Variants in NUP205 observed in about 807,000 individuals in gnomAD.
NUP205 encodes nuclear pore complex protein Nup205.
In NUP205, 76 loss-of-function variants were observed where a neutral mutation model predicts 253.8. The ratio of observed to expected loss-of-function variants is 0.30; its 90% CI spans 0.25 to 0.36. The LOEUF is 0.36. NUP205 is among the 10% of genes least tolerant of loss of function. The pLI, the probability that NUP205 is intolerant of heterozygous loss-of-function variation, is 1.00. For missense variants in NUP205, 2,162 were observed against 2,425.5 expected (o/e 0.89, Z 2.28); for synonymous variants, 832 against 850.1 (o/e 0.98, Z 0.37).
intron 2 of NUP205, among the ~76,000 whole-genome samples, chr7:135,572,339 T>A (rs1360991252): frequency 6.6e-6 from 1 of 152,174 alleles, no homozygotes; most frequent in South Asian, 2.1e-4. Flanking sequence ...ACATCTATGC[T>A]TGGTAAGATT....
chr7:135,634,664 G>A (rs1267584769), intron 35 of NUP205, among the ~76,000 whole-genome samples: 1 of 152,148 alleles, frequency 6.6e-6, no homozygotes, highest in Non-Finnish European at 1.5e-5. Flanking sequence ...TAGTATGTTA[G>A]AAGAGAAAGC....
At chr7:135,579,273 CA>C (rs1333207632) in intron 7 of NUP205, among the ~76,000 whole-genome samples, 5 of 151,600 alleles carry the variant, frequency 3.3e-5, no homozygotes, top group African/African-American at 4.9e-5. Context: ...CGGCTCACTG[CA>C]ACCTCTGCCC....
At chr7:135,607,400 T>C (rs767978592) in intron 22 of NUP205, 29 bp downstream of exon 22, 13 of 1,607,216 alleles carry the variant, frequency 8.1e-6, no homozygotes, top group Admixed American at 1.7e-5. Flanking sequence ...TTTGTGGTAC[T>C]GAATAGAAGA....
intron 12 of NUP205, 106 bp from the exon 13 acceptor site, chr7:135,594,437 ATATT>A (rs1793771948): frequency 2.8e-6 from 2 of 717,850 alleles, no homozygotes; most frequent in Admixed American, 5.7e-5. Context: ...GTTTTAGTAT[ATATT>A]AAGCCCATGA....
At chr7:135,565,430 T>A (rs1263277503) in intron 1 of NUP205, among the ~76,000 whole-genome samples, 1 of 151,694 alleles carries the variant, frequency 6.6e-6, no homozygotes, top group African/African-American at 2.4e-5. Flanking sequence ...TAGGTTCCAT[T>A]TTCTTATTTT....
At position 135,630,462 on chromosome 7, in the gene NUP205, C is replaced by G; in HGVS notation, c.5051C>G (p.Ala1684Gly). Residue 1684 changes from alanine (A) to glycine (G), a missense_variant, in exon 35 of 43, where the codon GCA becomes GGA. Transcript: ENST00000285968. ...ALLTGIISKA[A>G]LPGILSELDV... ...CTGACAGGAATTATAAGTAAAGCAG[C>G]ACTTCCTGGTGAGTTGATTATGTTG... 1 of 1,603,300 alleles carries G rather than the reference C, an allele frequency of 6.2e-7. No homozygotes were observed. Among genetic ancestry groups the G allele is most frequent in the East Asian group, 2.2e-5 (1 of 44,570 alleles).
At chr7:135,589,088 T>A (rs1214692003) in intron 10 of NUP205, among the ~76,000 whole-genome samples, 1 of 150,530 alleles carries the variant, frequency 6.6e-6, no homozygotes. Context: ...GAGGACACGT[T>A]GAGCCCCGGG....
intron 22 of NUP205, 107 bp from the exon 23 acceptor site, chr7:135,614,052 A>G: frequency 1.7e-6 from 1 of 583,178 alleles, no homozygotes. Context: ...TGAGTTGTTG[A>G]TGGGTCCTAG....
Position 135,643,121 on chromosome 7 carries a change from A to C in NUP205, c.5393-71A>C, listed in dbSNP as rs370190789. On this transcript the variant is annotated intron_variant, in intron 38 of 42. Transcript: ENST00000285968. Reference sequence around the variant, plus strand: ...AAATTCTGGGGCATCCCTTGTTTTAAAACAGGTCATTTGAAATTCATATGA... The same window carrying C: ...AAATTCTGGGGCATCCCTTGTTTTACAACAGGTCATTTGAAATTCATATGA... 9 of 1,455,342 alleles carry C rather than the reference A, an allele frequency of 6.2e-6. No homozygotes were observed. In the African/African-American group the frequency reaches 1.3e-4, roughly 20 times the overall value. The allele number at this position is 1,455,342 out of a possible 1,614,324, so 90.2% of individuals were successfully genotyped here. A position where few individuals can be genotyped will look rare whatever the true frequency, so the allele number is the denominator to read the frequency against.
intron 1 of NUP205, among the ~76,000 whole-genome samples, chr7:135,558,575 G>A (rs1805497862): frequency 6.6e-6 from 1 of 152,144 alleles, no homozygotes; most frequent in South Asian, 2.1e-4. Flanking sequence ...GAATCTAGAA[G>A]GTAGTAAAGG....
Position 135,600,961 on chromosome 7 carries a change from AACT to A in NUP205, c.2369_2371del (p.Leu790del), listed in dbSNP as rs1434702667. 1.3e-6 allele frequency: 2 copies of A among 1,583,062 alleles called. No individual in the cohort carries two copies. The highest frequency in any genetic ancestry group is 1.7e-6 in the Non-Finnish European group (2 of 1,153,036). On this transcript the variant is annotated inframe_deletion, in exon 16 of 43. Transcript: ENST00000285968. Reference sequence around the variant, plus strand: ...GAAGATTTTGTAGACCAGTTTGTGGAACTACAAGGTAATTTAATTCTGTCACTT... The same window carrying A: ...GAAGATTTTGTAGACCAGTTTGTGGAACAAGGTAATTTAATTCTGTCACTT...
Position 135,593,122 on chromosome 7 carries a change from G to A in NUP205, c.1760G>A (p.Arg587His), listed in dbSNP as rs1806674906. The A allele has an allele frequency of 1.2e-6, 2 of 1,614,018 alleles. No homozygotes were observed. The highest frequency in any genetic ancestry group is 1.7e-6 in the Non-Finnish European group (2 of 1,179,982). Reference sequence around the variant, plus strand: ...GTCCAGTACCGTCACCTTCCTTCCCGTGGCATCACCCAGAAGGAGCAAGAT... The same window carrying A: ...GTCCAGTACCGTCACCTTCCTTCCCATGGCATCACCCAGAAGGAGCAAGAT... Reference protein sequence around the residue: ...DSVQYRHLPSRGITQKEQDGL... With the variant: ...DSVQYRHLPSHGITQKEQDGL... Residue 587 changes from arginine to histidine, a missense_variant, in exon 12 of 43, where the codon CGT becomes CAT. By Grantham distance (29) the Arg-to-His change is conservative. Coordinates refer to ENST00000285968, the MANE Select transcript of NUP205 (RefSeq NM_015135.3).
intron 2 of NUP205, 116 bp downstream of exon 2, chr7:135,571,363 C>T: frequency 3.3e-6 from 2 of 602,236 alleles, no homozygotes; most frequent in Non-Finnish European, 4.8e-6. Flanking sequence ...AATTTATTTA[C>T]TGTGCCACAG....
chr7:135,608,770 TTTTG>T (rs1195759608), intron 22 of NUP205, among the ~76,000 whole-genome samples: 3 of 152,018 alleles, frequency 2.0e-5, no homozygotes, highest in African/African-American at 4.8e-5. Flanking sequence ...GCTTGTTCAC[TTTTG>T]TTTATTGTTT....
intron 41 of NUP205, 137 bp downstream of exon 41, chr7:135,645,733 C>T (rs550535165): frequency 9.7e-5 from 75 of 776,924 alleles, no homozygotes; most frequent in South Asian, 9.0e-4. Context: ...AGTCACTAGA[C>T]GTAGCTATTT....
chr7:135,588,158 T>C (rs894778873), intron 10 of NUP205, among the ~76,000 whole-genome samples, 166 bp downstream of exon 10: 5 of 152,280 alleles, frequency 3.3e-5, no homozygotes, highest in African/African-American at 1.2e-4. Flanking sequence ...TTATTTATGT[T>C]GAGACAAAGT....
At position 135,614,253 on chromosome 7, in the gene NUP205, A is replaced by G; in HGVS notation, c.3290A>G (p.Tyr1097Cys). 1 of 1,596,022 alleles carries G rather than the reference A, an allele frequency of 6.3e-7. No individual in the cohort carries two copies. Among genetic ancestry groups the G allele is most frequent in the Non-Finnish European group, 8.6e-7 (1 of 1,163,790 alleles). ...GATTTCTTATTTTCCCAGTTGCAGTATCTACCATTTTCTAACAAAGGTAGG... is the reference window on the plus strand; with the variant it reads ...GATTTCTTATTTTCCCAGTTGCAGTGTCTACCATTTTCTAACAAAGGTAGG... ...SQDFLFSQLQ[Y>C]LPFSNKEYEI... The change falls in exon 23 of 43, where the codon TAT becomes TGT. Residue 1097 changes from tyrosine (Y) to cysteine (C), a missense_variant. Tyr to Cys is a radical substitution (Grantham distance 194, BLOSUM62 -2). Around this residue, in one of 5 missense-constraint regions of NUP205, gnomAD observed 1,144 missense variants for 1,280.9 expected, o/e 0.89. Transcript: ENST00000285968.
intron 27 of NUP205, among the ~76,000 whole-genome samples, 196 bp downstream of exon 27, chr7:135,617,878 C>T (rs1267821538): frequency 6.6e-6 from 1 of 150,554 alleles, no homozygotes; most frequent in Non-Finnish European, 1.5e-5. Context: ...TAAATAACAC[C>T]TTTTCTGCTA....
chr7:135,617,719 T>TA, intron 27 of NUP205, 37 bp downstream of exon 27: 1 of 1,343,716 alleles, frequency 7.4e-7, no homozygotes, highest in South Asian at 1.2e-5. Flanking sequence ...TTCAAACTTC[T>TA]AACTACTTAG....
Sources: allele counts gnomAD v4.1 joint callset (sites outside exome capture counted in the v4.1 genomes callset), GRCh38; gene constraint gnomAD v4.1.1; regional missense constraint gnomAD v4.1.1; transcripts MANE v1.5; gene names NCBI Gene and HGNC (gene_info 2026-07-23, HGNC 2026-07-21).